The following SMYD3 variants were observed in gnomAD, a reference collection of about 807,000 sequenced individuals.
SMYD3 encodes histone-lysine N-methyltransferase SMYD3.
SMYD3 carries 36 observed loss-of-function variants against 57.7 expected under a neutral mutation model. The ratio of observed to expected loss-of-function variants is 0.62; its 90% CI spans 0.48 to 0.82. The LOEUF (loss-of-function observed/expected upper bound fraction) is 0.82, where lower values mean the gene tolerates loss of function less well. SMYD3 is among the 40% of genes least tolerant of loss of function. The pLI, the probability that SMYD3 is intolerant of heterozygous loss-of-function variation, is 0.00. For missense variants in SMYD3, 515 were observed against 538.8 expected, an observed-to-expected ratio of 0.96 and a Z score of 0.44; for synonymous variants, 211 against 195.0, an observed-to-expected ratio of 1.08 and a Z score of -0.68.
chr1:246,379,602 T>C (rs555163328), intron 1 of SMYD3, among the ~76,000 whole-genome samples: 11 of 152,340 alleles, frequency 7.2e-5, no homozygotes, highest in African/African-American at 2.6e-4. Context: ...ACCATAGGTA[T>C]AGCTAAACAG....
In SMYD3 at chr1:246,421,703, AAGCAGCTC is replaced by A. The variant is rs199811257; in HGVS notation, c.165-66617_165-66610del. 4.6e-3 allele frequency among the ~76,000 whole-genome samples: 698 copies of A among 152,366 alleles called. 8 individuals are homozygous for A. Among genetic ancestry groups the A allele is most frequent in the African/African-American group, 0.016 (653 of 41,590 alleles). The stretch of plus-strand genomic sequence containing the variant: ...AAATAGAAGAGATGATTAAGTCTAA[AAGCAGCTC>A]AGAAAGGCCTACAGCTGAGCTACTG... On this transcript the variant is annotated intron_variant, in intron 1 of 11. Transcript: ENST00000490107.
chr1:246,491,091 G>A (rs983125969), intron 1 of SMYD3, among the ~76,000 whole-genome samples: 1 of 152,164 alleles, frequency 6.6e-6, no homozygotes, highest in Non-Finnish European at 1.5e-5. Flanking sequence ...CTCATAAAGA[G>A]GATAAGACAA....
chr1:246,295,537 C>T (rs140897506), intron 5 of SMYD3, among the ~76,000 whole-genome samples: 3 of 152,262 alleles, frequency 2.0e-5, no homozygotes, highest in African/African-American at 4.8e-5. Context: ...CAGGTTGCCA[C>T]GGTAACAATC....
chr1:245,763,922 G>A (rs2045962038), intron 11 of SMYD3, 119 bp downstream of exon 11: 1 of 702,222 alleles, frequency 1.4e-6, no homozygotes, highest in Admixed American at 2.5e-5. Context: ...AGCACACACT[G>A]GGCATGCGTG....
rs143685427 is a variant in SMYD3 at position 246,482,145 on chromosome 1, G to A, written c.164+24909C>T. ...TGTACACCAGCCTGGGCAACAGAGCGAGACCCTGTCTCAGAAGCAAAAAAA... is the reference window on the plus strand; with the variant it reads ...TGTACACCAGCCTGGGCAACAGAGCAAGACCCTGTCTCAGAAGCAAAAAAA... On this transcript the variant is annotated intron_variant, in intron 1 of 11. Transcript: ENST00000490107. Among the ~76,000 whole-genome samples, 496 of 152,114 alleles carry A rather than the reference G, an allele frequency of 3.3e-3. 1 individual carries two copies. The highest frequency in any genetic ancestry group is 6.8e-3 in the Middle Eastern group (2 of 292).
intron 1 of SMYD3, among the ~76,000 whole-genome samples, chr1:246,406,501 T>C (rs1353943934): frequency 1.3e-5 from 2 of 152,226 alleles, no homozygotes; most frequent in African/African-American, 2.4e-5. Flanking sequence ...TGTAGTTTAA[T>C]AATTTCCTTT....
intron 1 of SMYD3, among the ~76,000 whole-genome samples, chr1:246,404,330 T>C (rs189737784): frequency 9.8e-5 from 15 of 152,300 alleles, no homozygotes; most frequent in Admixed American, 9.2e-4. Flanking sequence ...AACTGAAACA[T>C]ATGCCGCAAT....
intron 11 of SMYD3, among the ~76,000 whole-genome samples, chr1:245,760,475 C>T (rs1406052596): frequency 1.3e-5 from 2 of 152,136 alleles, no homozygotes; most frequent in East Asian, 3.9e-4. Context: ...GGGATGGATA[C>T]ATTCAGGCCA....
At chr1:246,473,088 C>T (rs1423703266) in intron 1 of SMYD3, among the ~76,000 whole-genome samples, 1 of 152,080 alleles carries the variant, frequency 6.6e-6, no homozygotes, top group Non-Finnish European at 1.5e-5. Context: ...AACTCCTGAC[C>T]TCAGGTGATC....
rs142628070 is a variant in SMYD3 at position 246,108,095 on chromosome 1, T to C, written c.532-178158A>G. Among the ~76,000 whole-genome samples, 241 of 152,310 alleles carry C rather than the reference T, an allele frequency of 1.6e-3. 1 individual carries two copies. Among genetic ancestry groups the C allele is most frequent in the Middle Eastern group, 6.8e-3 (2 of 294 alleles). On this transcript the variant is annotated intron_variant, in intron 5 of 11. Transcript: ENST00000490107. Reference sequence around the variant, plus strand: ...ACGGACTTACAGAGCTCGTCTTCTTTGGGTTAAGAAACAAAGGTCTTCTTG... The same window carrying C: ...ACGGACTTACAGAGCTCGTCTTCTTCGGGTTAAGAAACAAAGGTCTTCTTG...
intron 3 of SMYD3, among the ~76,000 whole-genome samples, chr1:246,334,581 T>C (rs981346818): frequency 6.6e-6 from 1 of 151,544 alleles, no homozygotes; most frequent in Non-Finnish European, 1.5e-5. Context: ...AAGCAGGGAG[T>C]GGGCAAGAGA....
chr1:246,451,172 T>A (rs576176785), intron 1 of SMYD3, among the ~76,000 whole-genome samples: 2 of 152,360 alleles, frequency 1.3e-5, no homozygotes, highest in African/African-American at 2.4e-5. Context: ...AGCACTTTGC[T>A]GGCCTTCAAT....
intron 1 of SMYD3, among the ~76,000 whole-genome samples, chr1:246,493,058 G>A (rs933469043): frequency 5.9e-5 from 9 of 152,132 alleles, no homozygotes; most frequent in African/African-American, 2.2e-4. Context: ...TGCCACCGAA[G>A]GGTACACTTA....
At chr1:245,954,993 C>T (rs978665112) in intron 5 of SMYD3, among the ~76,000 whole-genome samples, 1 of 152,132 alleles carries the variant, frequency 6.6e-6, no homozygotes, top group African/African-American at 2.4e-5. Flanking sequence ...ATCAAACGCC[C>T]CCTATAATCT....
intron 5 of SMYD3, among the ~76,000 whole-genome samples, chr1:245,985,307 ACTTCT>A (rs1025043130): frequency 2.6e-5 from 4 of 152,140 alleles, no homozygotes; most frequent in African/African-American, 9.7e-5. Flanking sequence ...TCAAATCTAG[ACTTCT>A]CTTCTAAACT....
intron 10 of SMYD3, among the ~76,000 whole-genome samples, chr1:245,796,862 A>AT (rs1430986036): frequency 6.6e-6 from 1 of 152,126 alleles, no homozygotes; most frequent in Non-Finnish European, 1.5e-5. Context: ...AAGGCTCAGC[A>AT]TTTTTTTCTC....
intron 5 of SMYD3, among the ~76,000 whole-genome samples, chr1:246,070,851 T>C (rs751982518): frequency 2.6e-5 from 4 of 152,236 alleles, no homozygotes; most frequent in African/African-American, 4.8e-5. Context: ...AAAATTTATG[T>C]GTAATTGGTA....
intron 1 of SMYD3, among the ~76,000 whole-genome samples, chr1:246,372,145 ATAAT>A (rs1221472965): frequency 2.6e-5 from 4 of 152,254 alleles, no homozygotes; most frequent in Non-Finnish European, 4.4e-5. Flanking sequence ...CAAGTGCACT[ATAAT>A]TAATTACAAA....
At chr1:246,067,004 T>TGAAGCGGTAAACTTTTAGATAGTC in intron 5 of SMYD3, among the ~76,000 whole-genome samples, 1 of 152,340 alleles carries the variant, frequency 6.6e-6, no homozygotes, top group African/African-American at 2.4e-5. Flanking sequence ...AGTCTTTCTT[T>TGAAGCGGTAAACTTTTAGATAGTC]GAAGCGGTAA....
Sources: allele counts gnomAD v4.1 joint callset (sites outside exome capture counted in the v4.1 genomes callset), GRCh38; gene constraint gnomAD v4.1.1; transcripts MANE v1.5; gene names NCBI Gene and HGNC (gene_info 2026-07-23, HGNC 2026-07-21).